The following RYR2 variants were observed in gnomAD, a reference collection of about 807,000 sequenced individuals.
The protein encoded by RYR2 is cardiac muscle ryanodine receptor-calcium release channel.
A neutral mutation model predicts 601.1 loss-of-function variants in RYR2; 227 were observed. That is an observed-to-expected ratio of 0.38 (90% confidence interval 0.34 to 0.42). RYR2 has a LOEUF of 0.42. RYR2 is among the 10% of genes least tolerant of loss of function. The pLI is 1.00. For synonymous variants in RYR2, 2,223 were observed against 2,175.1 expected (o/e 1.02, Z -0.61); for missense variants, 4,646 against 6,156.5 (o/e 0.75, Z 8.21).
intron 24 of RYR2, among the ~76,000 whole-genome samples, chr1:237,522,285 T>C (rs749764571): frequency 1.6e-4 from 25 of 152,184 alleles, no homozygotes; most frequent in Middle Eastern, 6.3e-3. Context: ...ATACTAACAA[T>C]AGCTGATGAG....
chr1:237,674,344 A>G lies in RYR2; in HGVS notation c.8714+125A>G, dbSNP rs184636976. The G allele has an allele frequency of 8.4e-4, 611 of 727,020 alleles. 4 individuals are homozygous for G. The African/African-American group carries it at 9.8e-3, about 12-fold the overall frequency. The allele number at this position is 727,020 out of a possible 1,614,324, so 45.0% of individuals were successfully genotyped here. On this transcript the variant is annotated intron_variant, in intron 59 of 104. Transcript: ENST00000366574. ...TTACACTTTTGAGGTACTGTTTAAT[A>G]TGTTTAAAATACACACATCAGAAAC...
At chr1:237,145,456 C>T (rs901298636) in intron 1 of RYR2, among the ~76,000 whole-genome samples, 2 of 152,202 alleles carry the variant, frequency 1.3e-5, no homozygotes, top group African/African-American at 4.8e-5. Context: ...CTTCTTTGAA[C>T]ATTCCTATTG....
chr1:237,256,370 A>G (rs1286667974), intron 1 of RYR2, among the ~76,000 whole-genome samples: 2 of 152,312 alleles, frequency 1.3e-5, no homozygotes, highest in Middle Eastern at 3.4e-3. Context: ...AGACTAATAC[A>G]GTAAGTTGGT....
intron 10 of RYR2, among the ~76,000 whole-genome samples, chr1:237,397,790 C>G (rs1347085327): frequency 6.6e-6 from 1 of 150,600 alleles, no homozygotes; most frequent in Non-Finnish European, 1.5e-5. Flanking sequence ...GGCGCCATCT[C>G]GGCTCACTGT....
chr1:237,797,909 C>A, intron 96 of RYR2, 128 bp from the exon 97 acceptor site: 1 of 826,100 alleles, frequency 1.2e-6, no homozygotes, highest in Non-Finnish European at 1.9e-6. Context: ...GAGCCACACA[C>A]TAGATTTTAA....
At chr1:237,087,877 G>C (rs1473497130) in intron 1 of RYR2, among the ~76,000 whole-genome samples, 2 of 152,162 alleles carry the variant, frequency 1.3e-5, no homozygotes, top group East Asian at 1.9e-4. Context: ...ATTTGGAATA[G>C]AGAAAACATC....
At chr1:237,232,682 A>T (rs10802592) in intron 1 of RYR2, among the ~76,000 whole-genome samples, 1 of 151,928 alleles carries the variant, frequency 6.6e-6, no homozygotes, top group African/African-American at 2.4e-5. Context: ...ACTGGTTACC[A>T]GTGAGAAGTA....
At chr1:237,595,471 A>G (rs1194738130) in intron 33 of RYR2, 27 bp from the exon 34 acceptor site, 1 of 1,600,432 alleles carries the variant, frequency 6.2e-7, no homozygotes, top group Non-Finnish European at 8.5e-7. Flanking sequence ...GGTTGTACAA[A>G]GATAAAAATG....
chr1:237,398,342 A>T (rs1453476192), intron 10 of RYR2, among the ~76,000 whole-genome samples: 1 of 152,192 alleles, frequency 6.6e-6, no homozygotes, highest in Non-Finnish European at 1.5e-5. Flanking sequence ...CAAGCTACAG[A>T]CTGAGAGAAA....
At chr1:237,346,128 G>GCCCT (rs1698285913) in intron 3 of RYR2, among the ~76,000 whole-genome samples, 2 of 152,182 alleles carry the variant, frequency 1.3e-5, no homozygotes, top group African/African-American at 4.8e-5. Context: ...TACTTTGGGA[G>GCCCT]GCTGAGGTGG....
chr1:237,755,129 A>G (rs1692843157), intron 80 of RYR2: 1 of 1,281,914 alleles, frequency 7.8e-7, no homozygotes, highest in East Asian at 5.6e-5. Flanking sequence ...TAACAGCATA[A>G]ATGTCTGTGT....
chr1:237,140,430 C>T (rs561672343), intron 1 of RYR2, among the ~76,000 whole-genome samples: 123 of 152,248 alleles, frequency 8.1e-4, no homozygotes, highest in African/African-American at 2.8e-3. Context: ...ACTAGTTCAC[C>T]GCTCTGTGAA....
At chr1:237,688,758 T>A (rs1262859955) in intron 63 of RYR2, among the ~76,000 whole-genome samples, 1 of 152,200 alleles carries the variant, frequency 6.6e-6, no homozygotes, top group Non-Finnish European at 1.5e-5. Flanking sequence ...AGAATAACAG[T>A]GGATTCAAAT....
At position 237,627,939 on chromosome 1, in the gene RYR2, G is replaced by A. The variant is rs796202631; in HGVS notation, c.6299G>A (p.Arg2100Gln). 91 of 1,613,362 alleles carry A rather than the reference G, an allele frequency of 5.6e-5. No homozygotes were observed. The highest frequency in any genetic ancestry group is 1.6e-4 in the Middle Eastern group (1 of 6,080). The change falls in exon 41 of 105, where the codon CGG becomes CAG. Residue 2100 changes from arginine to glutamine, a missense_variant. Around this residue, in one of 17 missense-constraint regions of RYR2, gnomAD observed 170 missense variants for 184.5 expected, o/e 0.92. Coordinates refer to ENST00000366574, the MANE Select transcript of RYR2 (RefSeq NM_001035.3). Reference protein sequence around the residue: ...RQYDGIGGLVRALPKTYTING... With the variant: ...RQYDGIGGLVQALPKTYTING... ...TATGACGGCATTGGGGGTCTTGTTC[G>A]GGCCCTGCCAAAGACCTACACGATA...
intron 73 of RYR2, among the ~76,000 whole-genome samples, chr1:237,722,892 T>C (rs1327257290): frequency 3.9e-5 from 4 of 103,118 alleles, no homozygotes; most frequent in African/African-American, 1.1e-4. Context: ...GCTCCTGGAA[T>C]CTACTCTCAG....
At chr1:237,513,045 C>T (rs1024148371) in intron 24 of RYR2, among the ~76,000 whole-genome samples, 5 of 152,146 alleles carry the variant, frequency 3.3e-5, no homozygotes, top group Admixed American at 6.5e-5. Context: ...GAGCTTGCCA[C>T]TGCATCCAGC....
At chr1:237,546,702 A>G (rs1443876396) in intron 25 of RYR2, among the ~76,000 whole-genome samples, 2 of 152,042 alleles carry the variant, frequency 1.3e-5, no homozygotes, top group African/African-American at 4.8e-5. Flanking sequence ...TACTTACAAT[A>G]TATGGGATGT....
In RYR2 at chr1:237,785,386, A is replaced by G. The variant is rs560594997; in HGVS notation, c.13260+414A>G. ...ATGTTCTTTGTAGTCATTAGTCCAT[A>G]GAGCCATCATTCCATCCATGAATAT... On this transcript the variant is annotated intron_variant, in intron 90 of 104. Transcript: ENST00000366574. 2.6e-5 allele frequency among the ~76,000 whole-genome samples: 4 copies of G among 152,320 alleles called. No homozygotes were observed. The South Asian group carries it at 8.3e-4, about 32-fold the overall frequency.
chr1:237,648,198 C>T (rs534570885), intron 48 of RYR2, among the ~76,000 whole-genome samples: 23 of 152,288 alleles, frequency 1.5e-4, no homozygotes, highest in African/African-American at 4.3e-4. Context: ...TCTAACAATG[C>T]CATGTCTTGT....
Sources: gnomAD v4.1 joint callset for allele counts (sites outside exome capture counted in the v4.1 genomes callset) on GRCh38, gnomAD v4.1.1 for gene constraint, gnomAD v4.1.1 regional missense constraint, MANE v1.5 for transcripts, NCBI Gene and HGNC (gene_info 2026-07-23, HGNC 2026-07-21) for gene names.